Variants in SRRM3 observed in about 807,000 individuals in gnomAD.
The protein encoded by SRRM3 is serine/arginine repetitive matrix protein 3.
Under a neutral mutation model 66.2 loss-of-function variants are expected in SRRM3, and 27 were observed. The ratio of observed to expected loss-of-function variants is 0.41; its 90% confidence interval spans 0.30 to 0.56. SRRM3 has a LOEUF of 0.56. Among genes scored for constraint, SRRM3 ranks in the 20% least tolerant of loss-of-function variants. SRRM3 has a pLI of 0.32. For missense variants in SRRM3, 918 were observed against 991.9 expected (o/e 0.93, Z 1.00); for synonymous variants, 391 against 414.9 (o/e 0.94, Z 0.70).
intron 11 of SRRM3, chr7:76,270,136 G>A (rs1802175200): frequency 6.6e-6 from 1 of 152,300 alleles, no homozygotes; most frequent in Non-Finnish European, 1.5e-5. Context: ...GGAAGCTGGA[G>A]AGAAGCGGGA....
chr7:76,260,115 A>G lies in SRRM3; in HGVS notation c.465-2A>G. ...CCCCCACCCCCGCCCCTTCTCCCCC[A>G]GGACCAAGCATTGGTCTAGCAGCTC... On this transcript the variant is annotated splice_acceptor_variant, in intron 4 of 14. Coordinates refer to ENST00000611745, the MANE Select transcript of SRRM3 (RefSeq NM_001110199.3). LOFTEE classifies it high-confidence loss of function. 9.9e-7 allele frequency: 1 copy of G among 1,008,136 alleles called. No individual in the cohort carries two copies. Among genetic ancestry groups the G allele is most frequent in the Non-Finnish European group, 1.2e-6 (1 of 816,076 alleles). The allele number at this position is 1,008,136 out of a possible 1,614,324, so 62.4% of individuals were successfully genotyped here.
At chr7:76,273,091 C>T (rs1554610689) in intron 11 of SRRM3, 2 of 152,532 alleles carry the variant, frequency 1.3e-5, no homozygotes, top group African/African-American at 2.4e-5. Context: ...CTTCCTGCCT[C>T]TCTGTTTCTG....
chr7:76,275,280 C>T (rs1487588312), intron 11 of SRRM3, among the ~76,000 whole-genome samples: 1 of 151,956 alleles, frequency 6.6e-6, no homozygotes, highest in Non-Finnish European at 1.5e-5. Flanking sequence ...GAGCATCCTC[C>T]TCAACACTGG....
intron 1 of SRRM3, among the ~76,000 whole-genome samples, chr7:76,230,250 A>G (rs149562165): frequency 2.6e-5 from 4 of 152,314 alleles, no homozygotes; most frequent in African/African-American, 4.8e-5. Flanking sequence ...TACATCTAAC[A>G]TGACATTGAT....
rs1554608718 is a variant in SRRM3, at chr7:76,261,406, C to A, written c.630C>A (p.Arg210=). 1 of 1,605,718 alleles carries A rather than the reference C, an allele frequency of 6.2e-7. No homozygotes were observed. The highest frequency in any genetic ancestry group is 8.5e-7 in the Non-Finnish European group (1 of 1,176,184). ...RKKKKSVKKH[R]RDRSDSGSRR... is the part of the protein sequence containing the mutation. ...AGAAGAAGAGTGTGAAGAAGCATCG[C>A]CGAGACAGGTACCCTTGCTGCCCCC... The change falls in exon 7 of 15, where the codon CGC becomes CGA. Residue 210 remains arginine (R), a synonymous_variant. Coordinates refer to ENST00000611745, the MANE Select transcript of SRRM3 (RefSeq NM_001110199.3).
intron 8 of SRRM3, 29 bp from the exon 9 acceptor site, chr7:76,264,736 A>G: frequency 3.7e-6 from 6 of 1,613,494 alleles, no homozygotes; most frequent in Non-Finnish European, 5.1e-6. Flanking sequence ...CCCGGGCCAC[A>G]CCATCACTGT....
chr7:76,258,676 T>C (rs1474001390), intron 3 of SRRM3, among the ~76,000 whole-genome samples: 1 of 125,328 alleles, frequency 8.0e-6, no homozygotes, highest in East Asian at 2.3e-4. Flanking sequence ...ATCATGCCAC[T>C]GCACTCCAGC....
At chr7:76,221,679 C>T (rs1475932987) in intron 1 of SRRM3, among the ~76,000 whole-genome samples, 3 of 152,176 alleles carry the variant, frequency 2.0e-5, no homozygotes, top group Admixed American at 6.5e-5. Context: ...TCTTCTTACC[C>T]GTCTCTACTG....
chr7:76,282,947 TC>T lies in SRRM3; in HGVS notation c.1596-16del. Reference sequence around the variant, plus strand: ...GGCCGGGCCGCGTCGCTCACTTACCTCGCGCCGGCCCCGCAGGGACAAGGAC... The same window carrying T: ...GGCCGGGCCGCGTCGCTCACTTACCTGCGCCGGCCCCGCAGGGACAAGGAC... On this transcript the variant is annotated splice_polypyrimidine_tract_variant and intron_variant, in intron 13 of 14. Transcript: ENST00000611745. 1 of 1,328,190 alleles carries T rather than the reference TC, an allele frequency of 7.5e-7. No homozygotes were observed. The highest frequency in any genetic ancestry group is 2.0e-5 in the South Asian group (1 of 50,052). 82.3% of individuals were successfully genotyped at this position (1,328,190 alleles called of 1,614,324 possible).
intron 14 of SRRM3, chr7:76,283,759 T>C: frequency 1.0e-6 from 1 of 985,026 alleles, no homozygotes; most frequent in Non-Finnish European, 1.2e-6. Flanking sequence ...TGTGGGGCTG[T>C]GCCCAGGGCG....
At position 76,267,375 on chromosome 7, in the gene SRRM3, C is replaced by A; in HGVS notation, c.948C>A (p.Gly316=). 2 of 1,445,050 alleles carry A rather than the reference C, an allele frequency of 1.4e-6. No homozygotes were observed. The allele number at this position is 1,445,050 out of a possible 1,614,324, so 89.5% of individuals were successfully genotyped here. The change falls in exon 11 of 15, where the codon GGC becomes GGA. Residue 316 remains glycine (G), a synonymous_variant. Coordinates refer to ENST00000611745, the MANE Select transcript of SRRM3 (RefSeq NM_001110199.3). ...SGWGSPQRNG[G]SGQRSGAHGG... is the part of the protein sequence containing the mutation. ...GGGGGTCGCCCCAGCGGAACGGCGG[C>A]AGCGGGCAGCGGAGCGGAGCGCACG...
chr7:76,215,493 C>T (rs1158198401), intron 1 of SRRM3, among the ~76,000 whole-genome samples: 9 of 146,630 alleles, frequency 6.1e-5, no homozygotes, highest in African/African-American at 2.3e-4. Context: ...CCTCAACCTT[C>T]TAGGCCCAAA....
At chr7:76,248,124 G>C (rs1445548901) in intron 2 of SRRM3, 64 bp from the exon 3 acceptor site, 2 of 1,350,416 alleles carry the variant, frequency 1.5e-6, no homozygotes, top group Non-Finnish European at 2.1e-6. Context: ...GGCTGAGTGC[G>C]GGGCAGGAAA....
At position 76,283,079 on chromosome 7, in the gene SRRM3, A is replaced by T. The variant is rs1802570133; in HGVS notation, c.1711A>T (p.Met571Leu). The T allele has an allele frequency of 6.8e-7, 1 of 1,464,826 alleles. No individual in the cohort carries two copies. The highest frequency in any genetic ancestry group is 1.4e-5 in the South Asian group (1 of 72,510). 90.7% of individuals were successfully genotyped at this position (1,464,826 alleles called of 1,614,324 possible). A position where few individuals can be genotyped will look rare whatever the true frequency, so the allele number is the denominator to read the frequency against. Residue 571 changes from methionine (M) to leucine (L), a missense_variant, in exon 14 of 15, where the codon ATG becomes TTG. Met to Leu is a conservative substitution (Grantham distance 15, BLOSUM62 2). Coordinates refer to ENST00000611745, the MANE Select transcript of SRRM3 (RefSeq NM_001110199.3). Reference protein sequence around the residue: ...RKRRRDSPSFMEPRRITSARK... With the variant: ...RKRRRDSPSFLEPRRITSARK... ...GCGGCGCCGGGACTCGCCAAGCTTC[A>T]TGGAGCCGCGGCGCATCACCAGGTA...
rs2117120965 is a variant in SRRM3, at chr7:76,282,830, A to G, written c.1553A>G (p.His518Arg). The change falls in exon 13 of 15, where the codon CAC becomes CGC. Residue 518 changes from histidine (H) to arginine (R), a missense_variant. Transcript: ENST00000611745. ...TCGCGCTCTGCGGAGAAGCGGCCCC[A>G]CAGCCCCAGCCGCTCGCCGTCGCCC... is the stretch of plus-strand genomic sequence containing the variant. ...SRSRSAEKRP[H>R]SPSRSPSPKK... 2.7e-6 allele frequency: 4 copies of G among 1,459,558 alleles called. No homozygotes were observed. The South Asian group carries it at 5.2e-5, about 19-fold the overall frequency. The allele number at this position is 1,459,558 out of a possible 1,614,324, so 90.4% of individuals were successfully genotyped here.
intron 2 of SRRM3, among the ~76,000 whole-genome samples, chr7:76,236,990 C>T (rs560540240): frequency 1.4e-4 from 22 of 152,274 alleles, no homozygotes; most frequent in Admixed American, 3.9e-4. Flanking sequence ...CGGTGGCTCA[C>T]GGCTGTACCA....
rs370122287 is a variant in SRRM3, at chr7:76,242,231, T to TCCC, written c.234-5956_234-5954dup. ...TGGGCGAGGTGGCTCACGCCTGTAATCCCAGCACTTTGGGAGGCTGAGGTG... is the reference window on the plus strand; with the variant it reads ...TGGGCGAGGTGGCTCACGCCTGTAATCCCCCCAGCACTTTGGGAGGCTGAGGTG... On this transcript the variant is annotated intron_variant, in intron 2 of 14. Coordinates refer to ENST00000611745, the MANE Select transcript of SRRM3 (RefSeq NM_001110199.3). 8.2e-3 allele frequency among the ~76,000 whole-genome samples: 1,253 copies of TCCC among 152,280 alleles called. 10 individuals are homozygous for TCCC. Among genetic ancestry groups the TCCC allele is most frequent in the African/African-American group, 0.028 (1,177 of 41,560 alleles).
At chr7:76,208,373 G>A (rs1800349139) in intron 1 of SRRM3, among the ~76,000 whole-genome samples, 1 of 151,790 alleles carries the variant, frequency 6.6e-6, no homozygotes, top group Admixed American at 6.6e-5. Context: ...GTCCTGGGTT[G>A]GAAAGCACCC....
At chr7:76,245,738 C>T (rs188323648) in intron 2 of SRRM3, among the ~76,000 whole-genome samples, 5 of 152,322 alleles carry the variant, frequency 3.3e-5, no homozygotes, top group Admixed American at 3.3e-4. Context: ...CTCTGTCACC[C>T]AGGCTGGAGT....
Sources: allele counts gnomAD v4.1 joint callset (sites outside exome capture counted in the v4.1 genomes callset), GRCh38; gene constraint gnomAD v4.1.1; transcripts MANE v1.5; gene names NCBI Gene and HGNC (gene_info 2026-07-23, HGNC 2026-07-21).